AUTS2: variants seen among roughly 807,000 people sequenced by gnomAD.
AUTS2 encodes autism susceptibility gene 2 protein.
Under a neutral mutation model 112.4 loss-of-function variants are expected in AUTS2, and 17 were observed. The ratio of observed to expected loss-of-function variants is 0.15; its 90% CI spans 0.10 to 0.23. AUTS2 has a LOEUF of 0.23. Ranked by LOEUF, AUTS2 falls within the 10% of genes least tolerant of loss-of-function variation. The probability of loss-of-function intolerance (pLI) is 1.00; values close to 1 mark genes in which losing one functional copy is unlikely to be tolerated. For missense variants in AUTS2, 1,510 were observed against 1,701.6 expected (o/e 0.89, Z 1.98); for synonymous variants, 751 against 702.7 (o/e 1.07, Z -1.09).
intron 1 of AUTS2, among the ~76,000 whole-genome samples, chr7:69,788,645 G>A (rs1789480654): frequency 6.6e-6 from 1 of 152,012 alleles, no homozygotes. Flanking sequence ...AAGAACAGAA[G>A]CATCTAAGTA....
intron 4 of AUTS2, among the ~76,000 whole-genome samples, chr7:70,277,803 A>C (rs575706731): frequency 6.6e-6 from 1 of 152,300 alleles, no homozygotes; most frequent in South Asian, 2.1e-4. Context: ...GATAGGGCAA[A>C]ATGTGAGTAG....
intron 1 of AUTS2, among the ~76,000 whole-genome samples, chr7:69,636,484 C>CCCA (rs1554337469): frequency 1.3e-5 from 1 of 75,958 alleles, no homozygotes; most frequent in Non-Finnish European, 3.2e-5. Flanking sequence ...ATCCGCGCCC[C>CCCA]CCCCCCCCCT....
At chr7:69,758,971 T>G (rs1385448213) in intron 1 of AUTS2, among the ~76,000 whole-genome samples, 1 of 152,106 alleles carries the variant, frequency 6.6e-6, no homozygotes. Flanking sequence ...AAAAAATAAA[T>G]AAATAAATGT....
chr7:69,918,106 G>T (rs1252877222), intron 2 of AUTS2, among the ~76,000 whole-genome samples: 1 of 152,082 alleles, frequency 6.6e-6, no homozygotes, highest in Admixed American at 6.5e-5. Context: ...CTCCCAAAGT[G>T]CTGGGATTAC....
chr7:70,780,257 C>T (rs1485718868), intron 14 of AUTS2, among the ~76,000 whole-genome samples: 1 of 152,058 alleles, frequency 6.6e-6, no homozygotes, highest in Admixed American at 6.5e-5. Flanking sequence ...GGTGCAAGGG[C>T]CTCCAGCCTA....
chr7:70,138,224 C>A (rs1473786164), intron 4 of AUTS2, among the ~76,000 whole-genome samples: 1 of 152,174 alleles, frequency 6.6e-6, no homozygotes, highest in African/African-American at 2.4e-5. Context: ...TTGCTCCTTT[C>A]TGACAAGAAA....
At chr7:70,707,864 G>T (rs1162355669) in intron 6 of AUTS2, among the ~76,000 whole-genome samples, 1 of 152,148 alleles carries the variant, frequency 6.6e-6, no homozygotes, top group Admixed American at 6.5e-5. Flanking sequence ...TCAAGCAGGG[G>T]CATTTCCCTA....
chr7:70,284,807 TG>T (rs1788381784), intron 4 of AUTS2, among the ~76,000 whole-genome samples: 1 of 152,176 alleles, frequency 6.6e-6, no homozygotes, highest in Admixed American at 6.5e-5. Flanking sequence ...TCTCCAGCAC[TG>T]GAAAGGAAGA....
intron 5 of AUTS2, among the ~76,000 whole-genome samples, chr7:70,439,633 T>A (rs758439487): frequency 7.9e-5 from 12 of 151,676 alleles, no homozygotes; most frequent in Admixed American, 3.3e-4. Context: ...TTCTTCACTG[T>A]AGTGAGAGCT....
rs571344921 is a variant in AUTS2, at chr7:70,501,370, G to A, written c.690+65589G>A. ...TGGAAACAGGGGCATTAACTGGATC[G>A]GCTGCCTCCTTCTAGCCTATGAGAT... On this transcript the variant is annotated intron_variant, in intron 5 of 18. Coordinates refer to ENST00000342771, the MANE Select transcript of AUTS2 (RefSeq NM_015570.4). Among the ~76,000 whole-genome samples the A allele has an allele frequency of 2.3e-4, 35 of 152,140 alleles. 1 individual carries two copies. The highest frequency in any genetic ancestry group is 4.1e-4 in the Non-Finnish European group (28 of 68,020).
At chr7:69,994,491 T>C (rs2129551883) in intron 2 of AUTS2, among the ~76,000 whole-genome samples, 1 of 152,300 alleles carries the variant, frequency 6.6e-6, no homozygotes, top group South Asian at 2.1e-4. Context: ...TCCAAAAATA[T>C]CTGTGTGTGT....
chr7:70,626,335 G>A (rs1264568280), intron 5 of AUTS2, among the ~76,000 whole-genome samples: 2 of 143,076 alleles, frequency 1.4e-5, no homozygotes, highest in African/African-American at 2.6e-5. Flanking sequence ...TCCAGCCTGG[G>A]CAACATAGCA....
chr7:70,770,121 C>T (rs886524987), intron 10 of AUTS2, among the ~76,000 whole-genome samples: 2 of 152,140 alleles, frequency 1.3e-5, no homozygotes, highest in African/African-American at 4.8e-5. Context: ...ATATGAAGTA[C>T]TCAGTCTCCC....
intron 4 of AUTS2, among the ~76,000 whole-genome samples, chr7:70,348,887 A>G (rs894198897): frequency 2.6e-5 from 4 of 152,236 alleles, no homozygotes; most frequent in African/African-American, 9.6e-5. Context: ...AGCATGGTGA[A>G]CGCTTTTCTA....
chr7:70,182,724 C>T (rs1187471743), intron 4 of AUTS2, among the ~76,000 whole-genome samples: 2 of 151,234 alleles, frequency 1.3e-5, no homozygotes, highest in African/African-American at 2.4e-5. Flanking sequence ...ATCCTTACCA[C>T]ATCAAAGTGG....
At chr7:69,662,590 A>C (rs1312973195) in intron 1 of AUTS2, among the ~76,000 whole-genome samples, 1 of 152,212 alleles carries the variant, frequency 6.6e-6, no homozygotes, top group Non-Finnish European at 1.5e-5. Flanking sequence ...AGCAGAGGTT[A>C]GCCATTAACC....
chr7:70,612,573 C>T (rs1804150617), intron 5 of AUTS2, among the ~76,000 whole-genome samples: 1 of 151,966 alleles, frequency 6.6e-6, no homozygotes, highest in South Asian at 2.1e-4. Flanking sequence ...ACAAGACCTA[C>T]CCAAGGTCAC....
At chr7:69,690,164 A>T (rs1797262973) in intron 1 of AUTS2, among the ~76,000 whole-genome samples, 1 of 152,212 alleles carries the variant, frequency 6.6e-6, no homozygotes, top group African/African-American at 2.4e-5. Context: ...CATAGTAGGT[A>T]CTCAGTAAAT....
intron 2 of AUTS2, among the ~76,000 whole-genome samples, chr7:69,984,802 A>T (rs1421525832): frequency 1.3e-5 from 2 of 151,234 alleles, no homozygotes; most frequent in African/African-American, 2.4e-5. Context: ...GTGCTTTAGC[A>T]CTCTCTGTAA....
Sources: gnomAD v4.1 joint callset for allele counts (sites outside exome capture counted in the v4.1 genomes callset) on GRCh38, gnomAD v4.1.1 for gene constraint, MANE v1.5 for transcripts, NCBI Gene and HGNC (gene_info 2026-07-23, HGNC 2026-07-21) for gene names.